Variants in ZCCHC7 observed in about 807,000 individuals in gnomAD.
ZCCHC7 encodes the protein zinc finger CCHC-type containing 7.
A neutral mutation model predicts 52.0 loss-of-function variants in ZCCHC7; 35 were observed. The ratio of observed to expected loss-of-function variants is 0.67; its 90% confidence interval spans 0.51 to 0.89. ZCCHC7 has a LOEUF of 0.89. Ranked by LOEUF, ZCCHC7 falls within the 40% of genes least tolerant of loss-of-function variation. ZCCHC7 has a pLI of 0.00. For synonymous variants in ZCCHC7, 217 were observed against 221.5 expected, an observed-to-expected ratio of 0.98 and a Z score of 0.18; for missense variants, 574 against 649.1, an observed-to-expected ratio of 0.88 and a Z score of 1.26.
At chr9:37,258,710 C>T (rs1332961761) in intron 2 of ZCCHC7, among the ~76,000 whole-genome samples, 2 of 126,880 alleles carry the variant, frequency 1.6e-5, no homozygotes, top group African/African-American at 6.0e-5. Context: ...CGTGATTGTT[C>T]GTGCCACTGC....
intron 2 of ZCCHC7, among the ~76,000 whole-genome samples, chr9:37,285,819 A>G (rs1306334505): frequency 2.6e-5 from 4 of 152,228 alleles, no homozygotes; most frequent in South Asian, 2.1e-4. Flanking sequence ...TGTGACAAAC[A>G]CCACACAGGT....
intron 1 of ZCCHC7, among the ~76,000 whole-genome samples, chr9:37,121,927 A>T (rs1339238357): frequency 6.6e-6 from 1 of 152,218 alleles, no homozygotes; most frequent in Admixed American, 6.5e-5. Context: ...TGAAAAATGG[A>T]CAGACATTTT....
At chr9:37,156,831 C>T (rs932760625) in intron 2 of ZCCHC7, among the ~76,000 whole-genome samples, 1 of 152,032 alleles carries the variant, frequency 6.6e-6, no homozygotes, top group African/African-American at 2.4e-5. Context: ...TATTTATTTA[C>T]CCTTGTTACC....
chr9:37,319,159 C>T (rs576015112), intron 5 of ZCCHC7, among the ~76,000 whole-genome samples: 2 of 75,350 alleles, frequency 2.7e-5, no homozygotes, highest in South Asian at 1.0e-3. Flanking sequence ...TTCATGCACG[C>T]ACTTATCATC....
rs1395998857 is a variant in ZCCHC7, at chr9:37,227,044, A to AAAAC, written c.611-75142_611-75141insACAA. Among the ~76,000 whole-genome samples the AAAAC allele has an allele frequency of 3.9e-5, 6 of 152,048 alleles. 1 individual carries two copies. In the South Asian group the frequency reaches 8.3e-4, roughly 21 times the overall value. ...ACTCCGTCTCAAAAAAAAAAAAAAAAAACCAGGATATCTGAATACCTTGGG... is the reference window on the plus strand; with the variant it reads ...ACTCCGTCTCAAAAAAAAAAAAAAAAAAACAACCAGGATATCTGAATACCTTGGG... On this transcript the variant is annotated intron_variant, in intron 2 of 8. Transcript: ENST00000336755.
intron 2 of ZCCHC7, among the ~76,000 whole-genome samples, chr9:37,291,363 T>TA (rs528495673): frequency 0.034 from 4,936 of 144,834 alleles, 179 homozygotes; most frequent in African/African-American, 0.084. Context: ...TATTTCTGTG[T>TA]AAAAAAAAAA....
intron 2 of ZCCHC7, among the ~76,000 whole-genome samples, chr9:37,229,312 A>C (rs148200381): frequency 1.3e-5 from 2 of 152,030 alleles, no homozygotes; most frequent in Non-Finnish European, 1.5e-5. Context: ...AAAATGGGCA[A>C]CTTTTTACAG....
intron 2 of ZCCHC7, among the ~76,000 whole-genome samples, chr9:37,216,506 C>G (rs1293934642): frequency 1.3e-5 from 2 of 152,068 alleles, no homozygotes; most frequent in African/African-American, 4.8e-5. Context: ...GAAACCCCAT[C>G]TCTACTAAAA....
chr9:37,152,222 G>A (rs984258340), intron 2 of ZCCHC7, among the ~76,000 whole-genome samples: 2 of 136,120 alleles, frequency 1.5e-5, no homozygotes, highest in Non-Finnish European at 3.1e-5. Context: ...CTTCATTTGT[G>A]TTTTGTTTGC....
chr9:37,256,997 A>G (rs1171394221), intron 2 of ZCCHC7, among the ~76,000 whole-genome samples: 1 of 152,190 alleles, frequency 6.6e-6, no homozygotes, highest in Non-Finnish European at 1.5e-5. Flanking sequence ...ACAGAAGTTT[A>G]TTGACATGTA....
intron 5 of ZCCHC7, among the ~76,000 whole-genome samples, chr9:37,308,747 G>A (rs1435132765): frequency 1.3e-5 from 2 of 152,012 alleles, no homozygotes; most frequent in Non-Finnish European, 1.5e-5. Context: ...TTGGGAGGCC[G>A]AGGCAGGTGG....
intron 2 of ZCCHC7, among the ~76,000 whole-genome samples, chr9:37,205,974 G>A (rs1383910894): frequency 6.7e-6 from 1 of 149,902 alleles, no homozygotes; most frequent in East Asian, 2.0e-4. Context: ...TTGGTGAATT[G>A]ACCCCTTAGT....
At chr9:37,236,596 G>T (rs773806196) in intron 2 of ZCCHC7, among the ~76,000 whole-genome samples, 1 of 151,970 alleles carries the variant, frequency 6.6e-6, no homozygotes, top group Non-Finnish European at 1.5e-5. Flanking sequence ...GGGTTTCACC[G>T]TGTTAGCCAG....
intron 2 of ZCCHC7, among the ~76,000 whole-genome samples, chr9:37,203,020 A>G (rs761749397): frequency 2.6e-5 from 4 of 152,246 alleles, no homozygotes; most frequent in Admixed American, 6.5e-5. Context: ...AGTTCTTTGT[A>G]TAGCCCTTGC....
At chr9:37,265,627 A>C (rs1017407938) in intron 2 of ZCCHC7, among the ~76,000 whole-genome samples, 6 of 152,304 alleles carry the variant, frequency 3.9e-5, no homozygotes, top group African/African-American at 1.4e-4. Flanking sequence ...TGAAACCCTT[A>C]TCTCTTACCA....
chr9:37,139,565 C>A (rs1843134904), intron 2 of ZCCHC7, among the ~76,000 whole-genome samples: 1 of 151,872 alleles, frequency 6.6e-6, no homozygotes, highest in Non-Finnish European at 1.5e-5. Context: ...CAAATTCTTA[C>A]CTTAGAATTC....
chr9:37,285,289 C>A (rs964748009), intron 2 of ZCCHC7, among the ~76,000 whole-genome samples: 1 of 152,126 alleles, frequency 6.6e-6, no homozygotes, highest in East Asian at 1.9e-4. Context: ...ATGTTTAATA[C>A]ATAATTACTC....
At chr9:37,166,288 C>T (rs1269694556) in intron 2 of ZCCHC7, among the ~76,000 whole-genome samples, 3 of 152,130 alleles carry the variant, frequency 2.0e-5, no homozygotes, top group Non-Finnish European at 4.4e-5. Context: ...CCCAGGTACT[C>T]GGGAGGCTGA....
At chr9:37,318,153 A>G (rs113471934) in intron 5 of ZCCHC7, among the ~76,000 whole-genome samples, 1 of 152,048 alleles carries the variant, frequency 6.6e-6, no homozygotes, top group Non-Finnish European at 1.5e-5. Flanking sequence ...ATATTTGACG[A>G]TGAGGATGAC....
Sources: gnomAD v4.1 joint callset for allele counts (sites outside exome capture counted in the v4.1 genomes callset) on GRCh38, gnomAD v4.1.1 for gene constraint, MANE v1.5 for transcripts, NCBI Gene and HGNC (gene_info 2026-07-23, HGNC 2026-07-21) for gene names.